The following SORCS1 variants were observed in gnomAD, a reference collection of about 807,000 sequenced individuals.
SORCS1 encodes the protein sortilin related VPS10 domain containing receptor 1, also known as VPS10 domain-containing receptor SorCS1.
SORCS1 carries 60 observed loss-of-function variants against 146.1 expected under a neutral mutation model. That is an observed-to-expected ratio of 0.41 (90% CI 0.33 to 0.51). The LOEUF (loss-of-function observed/expected upper bound fraction) is 0.51. SORCS1 is among the 20% of genes least tolerant of loss of function. The pLI, the probability that SORCS1 is intolerant of heterozygous loss-of-function variation, is 0.21. For missense variants in SORCS1, 1,352 were observed against 1,487.6 expected (o/e 0.91, Z 1.50); for synonymous variants, 637 against 584.0 (o/e 1.09, Z -1.31).
intron 24 of SORCS1, among the ~76,000 whole-genome samples, chr10:106,590,417 A>G (rs1277112132): frequency 2.0e-5 from 3 of 152,176 alleles, no homozygotes; most frequent in Admixed American, 6.5e-5. Context: ...TTTCAAAGTA[A>G]GGCATAGAGT....
intron 8 of SORCS1, among the ~76,000 whole-genome samples, chr10:106,704,377 C>T (rs997083339): frequency 1.3e-5 from 2 of 152,172 alleles, no homozygotes; most frequent in African/African-American, 4.8e-5. Context: ...TTGATTTCCA[C>T]CAAAACTTAT....
At chr10:106,710,370 C>T (rs11193017) in intron 6 of SORCS1, among the ~76,000 whole-genome samples, 1,529 of 149,778 alleles carry the variant, frequency 0.01, 31 homozygotes, top group African/African-American at 0.036. Context: ...TCACTTGAAC[C>T]CAGCGGGGCG....
At chr10:106,686,749 C>T (rs1217958433) in intron 10 of SORCS1, among the ~76,000 whole-genome samples, 1 of 152,192 alleles carries the variant, frequency 6.6e-6, no homozygotes, top group African/African-American at 2.4e-5. Context: ...ACAGTGACAA[C>T]TGTGATATCC....
intron 1 of SORCS1, among the ~76,000 whole-genome samples, chr10:107,140,200 C>G (rs1177093021): frequency 6.6e-6 from 1 of 152,182 alleles, no homozygotes; most frequent in African/African-American, 2.4e-5. Flanking sequence ...CATTAAATAT[C>G]TCAAGTTTCA....
intron 8 of SORCS1, among the ~76,000 whole-genome samples, chr10:106,704,636 G>A (rs1407278094): frequency 6.6e-6 from 1 of 152,206 alleles, no homozygotes; most frequent in Admixed American, 6.5e-5. Context: ...GTTGCAGTGA[G>A]CCAAGACTGC....
intron 2 of SORCS1, among the ~76,000 whole-genome samples, chr10:106,904,703 A>C (rs1004820987): frequency 6.6e-6 from 1 of 152,200 alleles, no homozygotes; most frequent in Admixed American, 6.5e-5. Context: ...GTTTAGAAAA[A>C]TCTTACCTAA....
chr10:106,672,157 T>C (rs955773761), intron 15 of SORCS1, among the ~76,000 whole-genome samples: 1 of 152,204 alleles, frequency 6.6e-6, no homozygotes, highest in African/African-American at 2.4e-5. Context: ...TTTACATATA[T>C]TACTTAGTCT....
intron 2 of SORCS1, among the ~76,000 whole-genome samples, chr10:106,908,742 T>C (rs1952018668): frequency 6.6e-6 from 1 of 152,150 alleles, no homozygotes; most frequent in South Asian, 2.1e-4. Flanking sequence ...TTTGAGGCAA[T>C]GGAAACTACC....
At chr10:106,889,400 G>C (rs973445640) in intron 2 of SORCS1, among the ~76,000 whole-genome samples, 2 of 152,144 alleles carry the variant, frequency 1.3e-5, no homozygotes, top group Non-Finnish European at 2.9e-5. Context: ...TAGAAGTATA[G>C]ACTCTCACAC....
chr10:106,923,494 T>C (rs549718062), intron 2 of SORCS1, among the ~76,000 whole-genome samples: 2 of 152,340 alleles, frequency 1.3e-5, no homozygotes, highest in East Asian at 3.9e-4. Context: ...GCTTGATTGT[T>C]GGATCTTACA....
At chr10:107,143,949 G>C (rs1253213985) in intron 1 of SORCS1, among the ~76,000 whole-genome samples, 1 of 151,986 alleles carries the variant, frequency 6.6e-6, no homozygotes, top group Non-Finnish European at 1.5e-5. Flanking sequence ...TTTCAATCTA[G>C]TTTGCAAGGC....
intron 1 of SORCS1, among the ~76,000 whole-genome samples, chr10:107,091,377 C>G (rs966096184): frequency 9.2e-5 from 14 of 152,336 alleles, no homozygotes; most frequent in African/African-American, 3.4e-4. Flanking sequence ...CTGATGATAA[C>G]AATCCATTGT....
intron 19 of SORCS1, 90 bp downstream of exon 19, chr10:106,629,112 G>C: frequency 3.5e-6 from 4 of 1,149,728 alleles, no homozygotes; most frequent in Non-Finnish European, 5.0e-6. Flanking sequence ...GATAACTAGT[G>C]TACTTCTTCT....
chr10:106,947,666 A>G (rs1954422174), intron 2 of SORCS1, among the ~76,000 whole-genome samples: 2 of 152,176 alleles, frequency 1.3e-5, no homozygotes, highest in African/African-American at 2.4e-5. Flanking sequence ...CAACATGGTG[A>G]AACCCTGTCT....
At chr10:107,146,208 A>C (rs1049591255) in intron 1 of SORCS1, among the ~76,000 whole-genome samples, 1 of 152,218 alleles carries the variant, frequency 6.6e-6, no homozygotes, top group African/African-American at 2.4e-5. Context: ...ATACACCCAC[A>C]CACACAAATA....
chr10:106,834,156 T>C (rs1948686164), intron 2 of SORCS1, among the ~76,000 whole-genome samples: 1 of 152,132 alleles, frequency 6.6e-6, no homozygotes, highest in Admixed American at 6.6e-5. Context: ...TGCTTCCAGT[T>C]CTAGTCGCAC....
rs183646556 is a variant in SORCS1, at chr10:106,739,663, A to G, written c.960-9549T>C. ...TCTACTAAAAATACAAAAAAAATAT[A>G]TATATATAGCTGGGTGTGGTGGCGA... On this transcript the variant is annotated intron_variant, in intron 5 of 25. Transcript: ENST00000263054. Among the ~76,000 whole-genome samples the G allele has an allele frequency of 1.4e-3, 207 of 150,858 alleles. 4 individuals carry two copies. The highest frequency in any genetic ancestry group is 4.8e-3 in the African/African-American group (198 of 41,046).
intron 3 of SORCS1, among the ~76,000 whole-genome samples, chr10:106,809,955 C>T (rs1434435487): frequency 1.3e-5 from 2 of 152,150 alleles, no homozygotes; most frequent in South Asian, 2.1e-4. Context: ...AAGCAGTGGC[C>T]CACGCCTGTA....
At chr10:106,984,504 C>T (rs1956377963) in intron 1 of SORCS1, among the ~76,000 whole-genome samples, 2 of 151,142 alleles carry the variant, frequency 1.3e-5, no homozygotes. Flanking sequence ...CACCATTCTC[C>T]TGCCTCAGCC....
Sources: allele counts gnomAD v4.1 joint callset (sites outside exome capture counted in the v4.1 genomes callset), GRCh38; gene constraint gnomAD v4.1.1; transcripts MANE v1.5; gene names NCBI Gene and HGNC (gene_info 2026-07-23, HGNC 2026-07-21).